Variants in ATRNL1 observed in about 807,000 individuals in gnomAD.
ATRNL1 encodes the protein attractin like 1, also known as attractin-like protein 1.
In ATRNL1, 95 loss-of-function variants were observed where a neutral mutation model predicts 182.7. The ratio of observed to expected loss-of-function variants is 0.52; its 90% CI spans 0.44 to 0.62. The LOEUF (loss-of-function observed/expected upper bound fraction) is 0.62. Among genes scored for constraint, ATRNL1 ranks in the 20% least tolerant of loss-of-function variants. The pLI is 0.00. For missense variants in ATRNL1, 1,471 were observed against 1,679.5 expected (o/e 0.88, Z 2.17); for synonymous variants, 576 against 568.3 (o/e 1.01, Z -0.19).
At chr10:115,269,116 ATTATTTGT>A (rs1481660093) in intron 13 of ATRNL1, among the ~76,000 whole-genome samples, 29 of 152,256 alleles carry the variant, frequency 1.9e-4, no homozygotes, top group Admixed American at 5.2e-4. Context: ...GAGCCCTATA[ATTATTTGT>A]TTATTTGTTT....
At chr10:115,684,449 T>G (rs946368346) in intron 26 of ATRNL1, among the ~76,000 whole-genome samples, 5 of 100,412 alleles carry the variant, frequency 5.0e-5, no homozygotes, top group African/African-American at 8.9e-5. Flanking sequence ...AAAGTTTCTG[T>G]TTTTTTTTTT....
chr10:115,832,318 T>A (rs1306845827), intron 27 of ATRNL1, among the ~76,000 whole-genome samples: 3 of 152,212 alleles, frequency 2.0e-5, no homozygotes, highest in African/African-American at 7.2e-5. Flanking sequence ...GAGCTGCCAC[T>A]CACCTTTTCT....
At chr10:115,905,315 G>A (rs1952468928) in intron 28 of ATRNL1, among the ~76,000 whole-genome samples, 1 of 152,016 alleles carries the variant, frequency 6.6e-6, no homozygotes, top group Non-Finnish European at 1.5e-5. Flanking sequence ...CAACCTGCCA[G>A]GCTCAAGCGA....
At chr10:115,389,931 A>AT (rs1232050529) in intron 19 of ATRNL1, among the ~76,000 whole-genome samples, 1 of 151,838 alleles carries the variant, frequency 6.6e-6, no homozygotes, top group Admixed American at 6.6e-5. Flanking sequence ...TTTAATTTAC[A>AT]TTTTCCTAAT....
intron 26 of ATRNL1, among the ~76,000 whole-genome samples, chr10:115,628,289 G>A (rs553958273): frequency 6.6e-6 from 1 of 152,252 alleles, no homozygotes; most frequent in South Asian, 2.1e-4. Flanking sequence ...TCTCATGGGT[G>A]TGAGGGCGTA....
chr10:115,502,015 CAA>C (rs1849868100), intron 24 of ATRNL1, among the ~76,000 whole-genome samples: 1 of 152,002 alleles, frequency 6.6e-6, no homozygotes, highest in East Asian at 1.9e-4. Flanking sequence ...CCTTGGATTA[CAA>C]AAGTTTTAAG....
chr10:115,477,126 C>T (rs1291537905), intron 24 of ATRNL1, among the ~76,000 whole-genome samples: 1 of 151,456 alleles, frequency 6.6e-6, no homozygotes, highest in African/African-American at 2.4e-5. Context: ...TAAAAGATTT[C>T]TCCCTTATAT....
At chr10:115,756,170 A>G (rs1211533435) in intron 27 of ATRNL1, among the ~76,000 whole-genome samples, 1 of 151,936 alleles carries the variant, frequency 6.6e-6, no homozygotes, top group African/African-American at 2.4e-5. Context: ...TATCTCCTTC[A>G]GTTCTGCTCT....
chr10:115,810,018 C>T (rs1950012401), intron 27 of ATRNL1, among the ~76,000 whole-genome samples: 1 of 151,664 alleles, frequency 6.6e-6, no homozygotes, highest in Admixed American at 6.6e-5. Context: ...TGACTTTTAA[C>T]AATATTTTTC....
intron 26 of ATRNL1, among the ~76,000 whole-genome samples, chr10:115,700,377 C>T (rs1448279721): frequency 6.6e-6 from 1 of 152,082 alleles, no homozygotes; most frequent in East Asian, 1.9e-4. Flanking sequence ...TAAAAATATG[C>T]ATTCTGGCTG....
chr10:115,329,403 C>T (rs1227497721), intron 18 of ATRNL1, among the ~76,000 whole-genome samples: 1 of 152,004 alleles, frequency 6.6e-6, no homozygotes, highest in Non-Finnish European at 1.5e-5. Flanking sequence ...TCATTTTTGT[C>T]ATAAATTCAG....
chr10:115,496,576 A>G (rs1554978354), intron 24 of ATRNL1, among the ~76,000 whole-genome samples: 1 of 152,142 alleles, frequency 6.6e-6, no homozygotes, highest in Non-Finnish European at 1.5e-5. Context: ...CTTTGAGCCT[A>G]TTGGTGTGAT....
At chr10:115,745,095 T>A (rs1224313759) in intron 27 of ATRNL1, among the ~76,000 whole-genome samples, 7 of 151,950 alleles carry the variant, frequency 4.6e-5, no homozygotes, top group African/African-American at 1.7e-4. Flanking sequence ...TGTGCCTTTA[T>A]AGTTTTGCCT....
rs1191852372 is a variant in ATRNL1 at position 115,426,315 on chromosome 10, G to A, written c.3322+13G>A. On this transcript the variant is annotated intron_variant, in intron 21 of 28. Coordinates refer to ENST00000355044, the MANE Select transcript of ATRNL1 (RefSeq NM_207303.4). ...GGAACATGTTATTGTAAGTATATGT[G>A]TATTCTTCATTTTAAATAATTGGTG... 6.3e-7 allele frequency: 1 copy of A among 1,579,988 alleles called. No individual in the cohort carries two copies. Among genetic ancestry groups the A allele is most frequent in the Non-Finnish European group, 8.7e-7 (1 of 1,154,134 alleles).
At position 115,108,005 on chromosome 10, in the gene ATRNL1, A is replaced by T. The variant is rs142671022; in HGVS notation, c.294-12180A>T. ...TGAAATGCCTTCAAGATCTCTTTCT[A>T]TCTTGATGAATAGCACGTGACTTCC... On this transcript the variant is annotated intron_variant, in intron 1 of 28. Coordinates refer to ENST00000355044, the MANE Select transcript of ATRNL1 (RefSeq NM_207303.4). Among the ~76,000 whole-genome samples, 544 of 152,188 alleles carry T rather than the reference A, an allele frequency of 3.6e-3. 1 individual carries two copies. The highest frequency in any genetic ancestry group is 0.01 in the Middle Eastern group (3 of 294).
At chr10:115,504,995 A>G (rs1389890771) in intron 24 of ATRNL1, among the ~76,000 whole-genome samples, 1 of 152,116 alleles carries the variant, frequency 6.6e-6, no homozygotes, top group African/African-American at 2.4e-5. Flanking sequence ...TTTCAGCTAA[A>G]TAGCCTTAAA....
intron 19 of ATRNL1, among the ~76,000 whole-genome samples, chr10:115,364,862 G>T (rs1312697945): frequency 6.6e-6 from 1 of 150,794 alleles, no homozygotes; most frequent in African/African-American, 2.4e-5. Flanking sequence ...GCATCCCAGG[G>T]ATGAAGCCCA....
In ATRNL1 at chr10:115,321,351, A is replaced by G. The variant is rs143509031; in HGVS notation, c.3037+5615A>G. ...GTTTAATTTGTTTACCTTAAAAGTTACTATTTGATATGTGAGGGCTTATTT... is the reference window on the plus strand; with the variant it reads ...GTTTAATTTGTTTACCTTAAAAGTTGCTATTTGATATGTGAGGGCTTATTT... On this transcript the variant is annotated intron_variant, in intron 18 of 28. Coordinates refer to ENST00000355044, the MANE Select transcript of ATRNL1 (RefSeq NM_207303.4). Among the ~76,000 whole-genome samples the G allele has an allele frequency of 4.1e-3, 621 of 152,236 alleles. 2 individuals are homozygous for G. Among genetic ancestry groups the G allele is most frequent in the African/African-American group, 0.013 (539 of 41,532 alleles).
intron 26 of ATRNL1, among the ~76,000 whole-genome samples, chr10:115,713,709 T>TATCTATCTATC (rs1565310918): frequency 0.017 from 1,298 of 74,936 alleles, 6 homozygotes; most frequent in East Asian, 0.066. Flanking sequence ...ATCTATCATC[T>TATCTATCTATC]ATCTATCTAT....
Sources: allele counts gnomAD v4.1 joint callset (sites outside exome capture counted in the v4.1 genomes callset), GRCh38; gene constraint gnomAD v4.1.1; transcripts MANE v1.5; gene names NCBI Gene and HGNC (gene_info 2026-07-23, HGNC 2026-07-21).